The following RARB variants were observed in gnomAD, a reference collection of about 807,000 sequenced individuals.
The protein encoded by RARB is HBV-activated protein.
A neutral mutation model predicts 51.9 loss-of-function variants in RARB; 17 were observed. The observed-to-expected ratio is 0.33, with a 90% CI of 0.22 to 0.49. The LOEUF (loss-of-function observed/expected upper bound fraction) is 0.49. Among genes scored for constraint, RARB ranks in the 20% least tolerant of loss-of-function variants. The probability of loss-of-function intolerance (pLI) is 0.99; values close to 1 mark genes in which losing one functional copy is unlikely to be tolerated. For synonymous variants in RARB, 215 were observed against 195.4 expected (o/e 1.10, Z -0.84); for missense variants, 369 against 550.8 (o/e 0.67, Z 3.30).
At chr3:25,078,627 C>T (rs1007563452) in intron 3 of RARB, among the ~76,000 whole-genome samples, 1 of 151,860 alleles carries the variant, frequency 6.6e-6, no homozygotes, top group Non-Finnish European at 1.5e-5. Context: ...ACCTCCACCT[C>T]CCATGTTCAA....
chr3:25,344,828 G>GT (rs1410294761), intron 5 of RARB, among the ~76,000 whole-genome samples: 2 of 152,096 alleles, frequency 1.3e-5, no homozygotes, highest in South Asian at 2.1e-4. Context: ...ATCCCAGCAT[G>GT]TTTTTCTTGT....
chr3:24,886,008 T>C (rs948641948), intron 2 of RARB, among the ~76,000 whole-genome samples: 1 of 152,180 alleles, frequency 6.6e-6, no homozygotes, highest in African/African-American at 2.4e-5. Context: ...CCTTCATGAT[T>C]TTACCCTAAT....
At chr3:24,834,594 A>C (rs1702318834) in intron 1 of RARB, among the ~76,000 whole-genome samples, 1 of 152,238 alleles carries the variant, frequency 6.6e-6, no homozygotes, top group Non-Finnish European at 1.5e-5. Context: ...TATGTGGTAC[A>C]TCTGAGACGT....
chr3:24,847,162 G>A (rs1046093715), intron 1 of RARB, among the ~76,000 whole-genome samples: 3 of 152,178 alleles, frequency 2.0e-5, no homozygotes, highest in Non-Finnish European at 2.9e-5. Context: ...TCTGAGGGTG[G>A]GAACCAGCCG....
At chr3:25,566,611 T>C (rs575205875) in intron 3 of RARB, among the ~76,000 whole-genome samples, 1 of 152,252 alleles carries the variant, frequency 6.6e-6, no homozygotes, top group South Asian at 2.1e-4. Flanking sequence ...ACCTCACCCC[T>C]CCCTTTCTTG....
intron 5 of RARB, among the ~76,000 whole-genome samples, chr3:25,302,135 T>G (rs1704055350): frequency 6.6e-6 from 1 of 152,232 alleles, no homozygotes; most frequent in Non-Finnish European, 1.5e-5. Flanking sequence ...TAACAGGTGT[T>G]AGCAAGGATG....
chr3:25,582,117 G>C (rs1000035411), intron 5 of RARB, among the ~76,000 whole-genome samples: 4 of 152,178 alleles, frequency 2.6e-5, no homozygotes, highest in African/African-American at 9.7e-5. Context: ...TGAGAGAGTT[G>C]TGGGCCACAG....
intron 5 of RARB, among the ~76,000 whole-genome samples, chr3:25,347,485 T>C (rs9823899): frequency 0.032 from 4,808 of 152,296 alleles, 178 homozygotes; most frequent in African/African-American, 0.094. Context: ...CAAAGAAAAT[T>C]GCCTTTAGGC....
intron 1 of RARB, among the ~76,000 whole-genome samples, chr3:24,854,774 G>A (rs954475071): frequency 2.0e-5 from 3 of 152,134 alleles, no homozygotes; most frequent in African/African-American, 4.8e-5. Flanking sequence ...CACCCCAGCT[G>A]TACCAATAAA....
At chr3:24,916,681 T>A (rs1403666262) in intron 2 of RARB, among the ~76,000 whole-genome samples, 1 of 151,076 alleles carries the variant, frequency 6.6e-6, no homozygotes, top group Non-Finnish European at 1.5e-5. Context: ...TATAACCATT[T>A]TGGTAAAAAG....
intron 3 of RARB, among the ~76,000 whole-genome samples, chr3:25,544,394 C>A (rs959470281): frequency 6.6e-6 from 1 of 152,108 alleles, no homozygotes; most frequent in African/African-American, 2.4e-5. Context: ...AGAAGCTTTT[C>A]CCTGGTACTA....
At chr3:24,894,279 C>T (rs1703439307) in intron 2 of RARB, among the ~76,000 whole-genome samples, 2 of 149,726 alleles carry the variant, frequency 1.3e-5, no homozygotes, top group South Asian at 2.2e-4. Context: ...CCGCCCCCGC[C>T]CTGCCTCTCT....
intron 2 of RARB, among the ~76,000 whole-genome samples, chr3:25,038,360 G>A (rs1442793235): frequency 1.4e-5 from 2 of 146,590 alleles, no homozygotes; most frequent in Admixed American, 6.9e-5. Context: ...ATTGTCTAAT[G>A]GATAAACTGG....
intron 2 of RARB, among the ~76,000 whole-genome samples, chr3:25,465,912 G>A (rs1334620191): frequency 6.6e-6 from 1 of 152,018 alleles, no homozygotes; most frequent in Non-Finnish European, 1.5e-5. Flanking sequence ...GCAAAATTTT[G>A]GCCTTAATCA....
At chr3:24,896,580 G>A (rs955744630) in intron 2 of RARB, among the ~76,000 whole-genome samples, 1 of 152,148 alleles carries the variant, frequency 6.6e-6, no homozygotes. Context: ...TTTTAGTTGA[G>A]ATGATAAGTT....
At position 25,093,264 on chromosome 3, in the gene RARB, G is replaced by C. The variant is rs1022786384; in HGVS notation, c.-328+33088G>C. Reference sequence around the variant, plus strand: ...TTATACAAGTAGCTGGATTGGGACAGAATATTGTTGTTCTTTTAATTTTTG... The same window carrying C: ...TTATACAAGTAGCTGGATTGGGACACAATATTGTTGTTCTTTTAATTTTTG... On this transcript the variant is annotated intron_variant, in intron 3 of 11. Coordinates refer to the RARB transcript ENST00000383772. 7.2e-5 allele frequency among the ~76,000 whole-genome samples: 11 copies of C among 152,300 alleles called. No individual in the cohort carries two copies. In the East Asian group the frequency reaches 1.4e-3, roughly 19 times the overall value.
At chr3:24,872,984 T>C (rs947427070) in intron 2 of RARB, among the ~76,000 whole-genome samples, 4 of 152,220 alleles carry the variant, frequency 2.6e-5, no homozygotes, top group Admixed American at 1.3e-4. Context: ...CAAACAGAAT[T>C]TTCAGCTTTG....
chr3:24,912,240 A>T (rs1399190612), intron 2 of RARB, among the ~76,000 whole-genome samples: 1 of 152,178 alleles, frequency 6.6e-6, no homozygotes, highest in African/African-American at 2.4e-5. Flanking sequence ...TCAGGCATAC[A>T]AGGTACGAAT....
At chr3:25,393,136 A>G (rs575271672) in intron 5 of RARB, among the ~76,000 whole-genome samples, 2 of 152,054 alleles carry the variant, frequency 1.3e-5, no homozygotes, top group South Asian at 2.1e-4. Flanking sequence ...TTCTGTGTCT[A>G]TTGAGATGAC....
Sources: gnomAD v4.1 joint callset for allele counts (sites outside exome capture counted in the v4.1 genomes callset) on GRCh38, gnomAD v4.1.1 for gene constraint, MANE v1.5 for transcripts, NCBI Gene and HGNC (gene_info 2026-07-23, HGNC 2026-07-21) for gene names.